Variants in TMCO4 observed in about 807,000 individuals in gnomAD.
TMCO4 encodes the protein transmembrane and coiled-coil domains 4.
TMCO4 carries 58 observed loss-of-function variants against 64.7 expected under a neutral mutation model. That is an observed-to-expected ratio of 0.90 (90% CI 0.73 to 1.12). The LOEUF (loss-of-function observed/expected upper bound fraction) is 1.12, where lower values mean the gene tolerates loss of function less well. Ranked by LOEUF, TMCO4 falls within the 50% of genes most tolerant of loss-of-function variation. TMCO4 has a pLI of 0.00. For missense variants in TMCO4, 780 were observed against 825.9 expected, an observed-to-expected ratio of 0.94 and a Z score of 0.68; for synonymous variants, 325 against 346.1, an observed-to-expected ratio of 0.94 and a Z score of 0.68.
intron 12 of TMCO4, among the ~76,000 whole-genome samples, chr1:19,738,067 A>G (rs1389364733): frequency 6.6e-6 from 1 of 152,244 alleles, no homozygotes. Context: ...AAAGAAAATG[A>G]AAGTTATCTG....
chr1:19,730,187 A>T (rs759048516), intron 13 of TMCO4, among the ~76,000 whole-genome samples: 2 of 152,204 alleles, frequency 1.3e-5, no homozygotes, highest in Non-Finnish European at 2.9e-5. Flanking sequence ...TGTTTGTAAA[A>T]GTCACATGTG....
rs183939527 is a variant in TMCO4 at position 19,693,247 on chromosome 1, C to G, written c.1500+1187G>C. ...CCTATAATCCCAGCACTTTGGGAGG[C>G]TGAGGCAGGCAGATCACCTGAGGTC... On this transcript the variant is annotated intron_variant, in intron 15 of 15. Coordinates refer to ENST00000294543, the MANE Select transcript of TMCO4 (RefSeq NM_181719.7). Among the ~76,000 whole-genome samples, 515 of 138,166 alleles carry G rather than the reference C, an allele frequency of 3.7e-3. 4 individuals are homozygous for G. Among genetic ancestry groups the G allele is most frequent in the African/African-American group, 0.013 (477 of 37,730 alleles). 90.6% of individuals were successfully genotyped at this position (138,166 alleles called of 152,430 possible). A position where few individuals can be genotyped will look rare whatever the true frequency, so the allele number is the denominator to read the frequency against.
At chr1:19,688,596 C>A (rs1290813760) in intron 15 of TMCO4, among the ~76,000 whole-genome samples, 1 of 152,168 alleles carries the variant, frequency 6.6e-6, no homozygotes, top group Non-Finnish European at 1.5e-5. Flanking sequence ...GGGTTAGAGG[C>A]CACTACCAGA....
intron 2 of TMCO4, among the ~76,000 whole-genome samples, chr1:19,790,961 T>C (rs1456293688): frequency 6.6e-6 from 1 of 152,228 alleles, no homozygotes; most frequent in Non-Finnish European, 1.5e-5. Flanking sequence ...ATATACACCA[T>C]GGAATGCTAT....
At chr1:19,778,362 C>T (rs1358096668) in intron 4 of TMCO4, among the ~76,000 whole-genome samples, 1 of 152,106 alleles carries the variant, frequency 6.6e-6, no homozygotes, top group Admixed American at 6.5e-5. Context: ...CAACCTCTGC[C>T]TCCCGGGTTC....
intron 6 of TMCO4, among the ~76,000 whole-genome samples, chr1:19,762,724 C>T (rs2042559767): frequency 6.6e-6 from 1 of 152,246 alleles, no homozygotes; most frequent in Non-Finnish European, 1.5e-5. Context: ...TCCCCCAAAT[C>T]AGGAGCGGGG....
chr1:19,760,488 G>A (rs982989709), intron 6 of TMCO4, among the ~76,000 whole-genome samples: 2 of 152,104 alleles, frequency 1.3e-5, no homozygotes, highest in African/African-American at 4.8e-5. Flanking sequence ...TATGATCTTG[G>A]CTCACTGCAG....
chr1:19,724,546 C>T (rs1570768304), intron 13 of TMCO4, among the ~76,000 whole-genome samples: 3 of 152,288 alleles, frequency 2.0e-5, no homozygotes, highest in Admixed American at 2.0e-4. Context: ...ACAGGCAAAG[C>T]CCTTAGCATA....
rs2095434588 is a variant in TMCO4 at position 19,732,579 on chromosome 1, A to G, written c.1264+4793T>C. ...ATGTTATGAAATAAGGAGGGAAACT[A>G]TCAGGCTGATTAATAACAAAGACAG... On this transcript the variant is annotated intron_variant, in intron 13 of 15. Transcript: ENST00000294543. The surrounding 1 kb of genome is among the most constrained non-coding windows in gnomAD (Gnocchi z 4.8). Among the ~76,000 whole-genome samples the G allele has an allele frequency of 2.6e-5, 4 of 152,152 alleles. No homozygotes were observed. The highest frequency in any genetic ancestry group is 9.7e-5 in the African/African-American group (4 of 41,440).
At chr1:19,716,717 G>A (rs2095358456) in intron 13 of TMCO4, among the ~76,000 whole-genome samples, 1 of 151,952 alleles carries the variant, frequency 6.6e-6, no homozygotes, top group Non-Finnish European at 1.5e-5. Flanking sequence ...GGACTGTTCT[G>A]GTGTCCTCCC....
At chr1:19,783,965 A>AT (rs1254781656) in intron 3 of TMCO4, among the ~76,000 whole-genome samples, 1 of 152,260 alleles carries the variant, frequency 6.6e-6, no homozygotes. Context: ...GGGCAACAGC[A>AT]TAAACCATGA....
chr1:19,773,130 A>C (rs1172140677), intron 4 of TMCO4, among the ~76,000 whole-genome samples: 1 of 152,184 alleles, frequency 6.6e-6, no homozygotes, highest in Non-Finnish European at 1.5e-5. Context: ...CGGCGGTTGC[A>C]GTGAACTGAC....
chr1:19,753,495 C>T (rs1043920336), intron 7 of TMCO4, among the ~76,000 whole-genome samples: 3 of 152,076 alleles, frequency 2.0e-5, no homozygotes, highest in African/African-American at 7.2e-5. Flanking sequence ...AGACAGGGAC[C>T]CAGGAGCAGA....
At chr1:19,785,527 G>A in intron 3 of TMCO4, among the ~76,000 whole-genome samples, 1 of 152,242 alleles carries the variant, frequency 6.6e-6, no homozygotes, top group East Asian at 1.9e-4. Flanking sequence ...GAAGGGGCTA[G>A]GATGTGGGAA....
intron 14 of TMCO4, 141 bp from the exon 15 acceptor site, chr1:19,694,692 G>A (rs2095223999): frequency 1.4e-6 from 1 of 721,966 alleles, no homozygotes; most frequent in Non-Finnish European, 2.3e-6. Flanking sequence ...TGCACGGTGG[G>A]GATGGAAGAT....
chr1:19,767,067 T>C (rs2042768845), intron 6 of TMCO4, among the ~76,000 whole-genome samples: 1 of 152,154 alleles, frequency 6.6e-6, no homozygotes, highest in African/African-American at 2.4e-5. Context: ...CTGGTATTAT[T>C]TAGATATGAG....
chr1:19,761,043 G>A (rs2042480369), intron 6 of TMCO4, among the ~76,000 whole-genome samples: 1 of 152,190 alleles, frequency 6.6e-6, no homozygotes, highest in Non-Finnish European at 1.5e-5. Flanking sequence ...TACACTCTCT[G>A]CACGTATTGG....
chr1:19,690,403 T>TG (rs1255904772), intron 15 of TMCO4, among the ~76,000 whole-genome samples: 1 of 152,238 alleles, frequency 6.6e-6, no homozygotes, highest in Non-Finnish European at 1.5e-5. Flanking sequence ...ACGCCCCCTC[T>TG]GGGGCTTCAG....
intron 13 of TMCO4, among the ~76,000 whole-genome samples, chr1:19,729,275 A>T (rs2095420691): frequency 6.6e-6 from 1 of 151,712 alleles, no homozygotes; most frequent in African/African-American, 2.4e-5. Flanking sequence ...TCCGCCTGCC[A>T]AGTAGCGGGG....
Sources: allele counts gnomAD v4.1 joint callset (sites outside exome capture counted in the v4.1 genomes callset), GRCh38; gene constraint gnomAD v4.1.1; non-coding constraint Gnocchi (gnomAD v3.1); transcripts MANE v1.5; gene names NCBI Gene and HGNC (gene_info 2026-07-23, HGNC 2026-07-21).